The following DPF2 variants were observed in gnomAD, a reference collection of about 807,000 sequenced individuals.
The protein encoded by DPF2 is double PHD fingers 2.
Under a neutral mutation model 59.6 loss-of-function variants are expected in DPF2, and 10 were observed. The ratio of observed to expected loss-of-function variants is 0.17; its 90% confidence interval spans 0.10 to 0.28. DPF2 has a LOEUF of 0.28. Ranked by LOEUF, DPF2 falls within the 10% of genes least tolerant of loss-of-function variation. The pLI is 1.00. For synonymous variants in DPF2, 189 were observed against 190.6 expected, an observed-to-expected ratio of 0.99 and a Z score of 0.07; for missense variants, 315 against 509.4, an observed-to-expected ratio of 0.62 and a Z score of 3.67.
chr11:65,350,798 G>A (rs1288893199), intron 10 of DPF2, among the ~76,000 whole-genome samples: 1 of 146,768 alleles, frequency 6.8e-6, no homozygotes, highest in Non-Finnish European at 1.5e-5. Context: ...GGGCAGCATG[G>A]CAAAACCCCA....
In DPF2 at chr11:65,340,963, C is replaced by T; in HGVS notation, c.194-3C>T. 1.2e-6 allele frequency: 2 copies of T among 1,613,880 alleles called. No homozygotes were observed. Among genetic ancestry groups the T allele is most frequent in the South Asian group, 2.2e-5 (2 of 91,048 alleles). ...CTGACTTCTATCTTTCTTCCTGCCACAGGATTGGCCTCCGGACAGCTGTAC... is the reference window on the plus strand; with the variant it reads ...CTGACTTCTATCTTTCTTCCTGCCATAGGATTGGCCTCCGGACAGCTGTAC... On this transcript the variant is annotated splice_region_variant and splice_polypyrimidine_tract_variant and intron_variant, in intron 2 of 10. Transcript: ENST00000528416.
chr11:65,339,993 G>A (rs1854314404), intron 1 of DPF2, among the ~76,000 whole-genome samples: 1 of 152,196 alleles, frequency 6.6e-6, no homozygotes, highest in South Asian at 2.1e-4. Context: ...CTAGGAAAGA[G>A]GGAATAAGGA....
chr11:65,342,501 G>A (rs1361269388), intron 4 of DPF2, among the ~76,000 whole-genome samples: 7 of 152,174 alleles, frequency 4.6e-5, no homozygotes, highest in Middle Eastern at 3.2e-3. Context: ...TATCACAAAA[G>A]TTTGTGTCAC....
At position 65,352,542 on chromosome 11, in the gene DPF2, T is replaced by G. The variant is rs544576285; in HGVS notation, c.*783T>G. The stretch of plus-strand genomic sequence containing the variant: ...AGGATCAGGGGGCCAGGCCAGCAGC[T>G]CGGGGGCCACAAGGAGATGGATAAT... On this transcript the variant is annotated 3_prime_UTR_variant, in exon 11 of 11. Coordinates refer to ENST00000528416, the MANE Select transcript of DPF2 (RefSeq NM_006268.5). The G allele has an allele frequency of 2.6e-5, 4 of 152,778 alleles. No individual in the cohort carries two copies. In the East Asian group the frequency reaches 7.7e-4, roughly 29 times the overall value. 9.5% of individuals were successfully genotyped at this position (152,778 alleles called of 1,614,324 possible).
At chr11:65,351,030 T>C (rs1316530652) in intron 10 of DPF2, among the ~76,000 whole-genome samples, 1 of 151,786 alleles carries the variant, frequency 6.6e-6, no homozygotes, top group African/African-American at 2.4e-5. Flanking sequence ...TGAGACTGTA[T>C]GTGGCTCACA....
At position 65,336,106 on chromosome 11, in the gene DPF2, C is replaced by T. The variant is rs563749978; in HGVS notation, c.32+2188C>T. Among the ~76,000 whole-genome samples the T allele has an allele frequency of 2.0e-5, 3 of 152,240 alleles. No individual in the cohort carries two copies. In the East Asian group the frequency reaches 5.8e-4, roughly 30 times the overall value. The stretch of plus-strand genomic sequence containing the variant: ...GGGATTATAGGCGTGAGCCACCACG[C>T]CCGGCCCCTCATCTTGTATGACTTG... On this transcript the variant is annotated intron_variant, in intron 1 of 10. Transcript: ENST00000528416.
intron 10 of DPF2, among the ~76,000 whole-genome samples, chr11:65,350,243 A>G (rs568431391): frequency 2.0e-5 from 3 of 152,282 alleles, no homozygotes; most frequent in South Asian, 2.1e-4. Context: ...CCCTAGAAGT[A>G]TCAGATGTTC....
Position 65,340,372 on chromosome 11 carries a change from A to T in DPF2, c.33-13A>T, listed in dbSNP as rs767888485. 1 of 1,613,424 alleles carries T rather than the reference A, an allele frequency of 6.2e-7. No homozygotes were observed. Among genetic ancestry groups the T allele is most frequent in the South Asian group, 1.1e-5 (1 of 91,068 alleles). ...GCTCCAACATACACGCCTGATTTCTATCTTCCCTGCAGCCTTGGGGAGCAG... is the reference window on the plus strand; with the variant it reads ...GCTCCAACATACACGCCTGATTTCTTTCTTCCCTGCAGCCTTGGGGAGCAG... On this transcript the variant is annotated splice_polypyrimidine_tract_variant and intron_variant, in intron 1 of 10. Coordinates refer to ENST00000528416, the MANE Select transcript of DPF2 (RefSeq NM_006268.5).
chr11:65,345,901 G>A (rs773774048), intron 7 of DPF2, 29 bp from the exon 8 acceptor site: 2 of 1,613,614 alleles, frequency 1.2e-6, no homozygotes, highest in Non-Finnish European at 1.7e-6. Flanking sequence ...GACCCCCATG[G>A]GTGTCATCAA....
At chr11:65,338,954 A>G (rs1287050689) in intron 1 of DPF2, among the ~76,000 whole-genome samples, 2 of 152,144 alleles carry the variant, frequency 1.3e-5, no homozygotes, top group Non-Finnish European at 2.9e-5. Context: ...AATCTATAGA[A>G]GAGTAACCAA....
intron 1 of DPF2, among the ~76,000 whole-genome samples, chr11:65,339,377 C>T (rs1388366904): frequency 1.3e-5 from 2 of 152,202 alleles, no homozygotes; most frequent in Admixed American, 1.3e-4. Flanking sequence ...CAGATAACTC[C>T]TGGCACTGTG....
rs4647578 is a variant in DPF2, at chr11:65,340,442, C to T, written c.90C>T (p.Arg30=). Reference sequence around the variant, plus strand: ...AGCAGTGCCACAATTACAATGCTCGCCTCTGTGCTGAGCGCAGCGTGCGCC... The same window carrying T: ...AGCAGTGCCACAATTACAATGCTCGTCTCTGTGCTGAGCGCAGCGTGCGCC... ...AMEQCHNYNA[R]LCAERSVRLP... Residue 30 remains arginine (R), a synonymous_variant, in exon 2 of 11, where the codon CGC becomes CGT. Coordinates refer to ENST00000528416, the MANE Select transcript of DPF2 (RefSeq NM_006268.5). 3,312 of 1,614,250 alleles carry T rather than the reference C, an allele frequency of 2.1e-3. 63 individuals carry two copies. The African/African-American group carries it at 0.038, about 19-fold the overall frequency.
intron 1 of DPF2, among the ~76,000 whole-genome samples, chr11:65,338,347 C>T (rs528931697): frequency 6.6e-6 from 1 of 152,314 alleles, no homozygotes; most frequent in African/African-American, 2.4e-5. Flanking sequence ...CTTTTACCCC[C>T]AAGACTGTTT....
chr11:65,343,882 A>G (rs893207749), intron 5 of DPF2, 45 bp downstream of exon 5: 1 of 1,585,696 alleles, frequency 6.3e-7, no homozygotes, highest in South Asian at 1.1e-5. Flanking sequence ...AGGGTGGCCT[A>G]GGGAATTCCT....
chr11:65,335,113 C>T (rs1950079302), intron 1 of DPF2, among the ~76,000 whole-genome samples: 1 of 144,714 alleles, frequency 6.9e-6, no homozygotes, highest in South Asian at 2.2e-4. Context: ...TCTGCTCTAT[C>T]CTGCTGTCTC....
intron 1 of DPF2, among the ~76,000 whole-genome samples, chr11:65,335,607 ACT>A (rs1200200592): frequency 6.6e-6 from 1 of 152,026 alleles, no homozygotes; most frequent in African/African-American, 2.4e-5. Context: ...TGAGAAACCA[ACT>A]CTCTCCTCCT....
rs995347238 is a variant in DPF2, at chr11:65,336,739, A to G, written c.32+2821A>G. Among the ~76,000 whole-genome samples the G allele has an allele frequency of 1.1e-4, 16 of 147,880 alleles. No homozygotes were observed. In the Admixed American group the frequency reaches 1.1e-3, roughly 10 times the overall value. ...AGGAGGCAGAGGTTGCAGTGAGCCA[A>G]GATCGCACCACTGCACTCCAGCCTG... On this transcript the variant is annotated intron_variant, in intron 1 of 10. Coordinates refer to ENST00000528416, the MANE Select transcript of DPF2 (RefSeq NM_006268.5).
At chr11:65,334,601 C>T (rs1950071970) in intron 1 of DPF2, among the ~76,000 whole-genome samples, 1 of 152,184 alleles carries the variant, frequency 6.6e-6, no homozygotes, top group Non-Finnish European at 1.5e-5. Flanking sequence ...TCTAGGTGGG[C>T]ATTCTTCCTA....
chr11:65,335,664 C>T (rs535651900), intron 1 of DPF2, among the ~76,000 whole-genome samples: 25 of 152,170 alleles, frequency 1.6e-4, no homozygotes, highest in Non-Finnish European at 3.1e-4. Flanking sequence ...AATACGTACT[C>T]CCACAGAATT....
Sources: allele counts gnomAD v4.1 joint callset (sites outside exome capture counted in the v4.1 genomes callset), GRCh38; gene constraint gnomAD v4.1.1; transcripts MANE v1.5; gene names NCBI Gene and HGNC (gene_info 2026-07-23, HGNC 2026-07-21).